Variants in ROBO2 observed in about 807,000 individuals in gnomAD.
ROBO2 encodes roundabout guidance receptor 2, also known as roundabout homolog 2.
Under a neutral mutation model 160.8 loss-of-function variants are expected in ROBO2, and 53 were observed. The observed-to-expected ratio is 0.33, with a 90% CI of 0.26 to 0.41. The LOEUF (loss-of-function observed/expected upper bound fraction) is 0.41, where lower values mean the gene tolerates loss of function less well. Ranked by LOEUF, ROBO2 falls within the 10% of genes least tolerant of loss-of-function variation. The pLI, the probability that ROBO2 is intolerant of heterozygous loss-of-function variation, is 1.00. For missense variants in ROBO2, 1,577 were observed against 1,722.4 expected (o/e 0.92, Z 1.49); for synonymous variants, 664 against 611.7 (o/e 1.09, Z -1.26).
chr3:77,544,469 G>T (rs984392492), intron 6 of ROBO2, among the ~76,000 whole-genome samples: 1 of 152,022 alleles, frequency 6.6e-6, no homozygotes, highest in Non-Finnish European at 1.5e-5. Context: ...TCTGTCCCTG[G>T]GTTATGCGTT....
At chr3:77,511,158 AAAC>A (rs1292617840) in intron 5 of ROBO2, among the ~76,000 whole-genome samples, 3 of 152,008 alleles carry the variant, frequency 2.0e-5, no homozygotes, top group Non-Finnish European at 4.4e-5. Flanking sequence ...CGATGAACAA[AAAC>A]AACGAGCTGG....
chr3:76,575,264 G>A (rs2085216382), intron 2 of ROBO2, among the ~76,000 whole-genome samples: 1 of 151,882 alleles, frequency 6.6e-6, no homozygotes, highest in African/African-American at 2.4e-5. Context: ...CAACATGGAA[G>A]ATGATTTAAA....
chr3:76,930,741 A>T (rs1483705164), intron 2 of ROBO2, among the ~76,000 whole-genome samples: 1 of 152,224 alleles, frequency 6.6e-6, no homozygotes, highest in Non-Finnish European at 1.5e-5. Flanking sequence ...TGGCAAGAGA[A>T]AATGGCTAGC....
intron 1 of ROBO2, among the ~76,000 whole-genome samples, chr3:77,063,256 G>A (rs568102850): frequency 6.6e-6 from 1 of 152,294 alleles, no homozygotes; most frequent in Middle Eastern, 3.4e-3. Context: ...ACATGAAATG[G>A]CTGGGAGAGG....
intron 2 of ROBO2, among the ~76,000 whole-genome samples, chr3:76,543,474 A>G (rs1359280798): frequency 1.3e-5 from 2 of 152,220 alleles, no homozygotes; most frequent in East Asian, 1.9e-4. Context: ...CCTTAGAATC[A>G]TCTCTTTTCC....
chr3:77,526,805 T>A (rs1165742870), intron 6 of ROBO2, among the ~76,000 whole-genome samples: 1 of 151,468 alleles, frequency 6.6e-6, no homozygotes, highest in African/African-American at 2.4e-5. Context: ...AGAAAAAAGC[T>A]TAACAGTAGT....
At chr3:76,961,259 A>C (rs1326035186) in intron 2 of ROBO2, among the ~76,000 whole-genome samples, 1 of 151,782 alleles carries the variant, frequency 6.6e-6, no homozygotes, top group Non-Finnish European at 1.5e-5. Flanking sequence ...AAAAAAAAAA[A>C]AAAAAAAAAC....
At chr3:76,655,327 T>A (rs568886450) in intron 2 of ROBO2, among the ~76,000 whole-genome samples, 3 of 149,434 alleles carry the variant, frequency 2.0e-5, no homozygotes, top group South Asian at 4.2e-4. Flanking sequence ...ATACAAAGTT[T>A]AATGAAAAAT....
In ROBO2 at chr3:77,562,631, C is replaced by G. The variant is rs920486555; in HGVS notation, c.1438-20C>G. ...AAATTGACTGAAACAATTTAATTCTCTCCCTTCTGTGCACACTAGATTTCT... is the reference window on the plus strand; with the variant it reads ...AAATTGACTGAAACAATTTAATTCTGTCCCTTCTGTGCACACTAGATTTCT... On this transcript the variant is annotated intron_variant, in intron 9 of 25. Transcript: ENST00000461745. The G allele has an allele frequency of 2.5e-6, 4 of 1,570,946 alleles. No individual in the cohort carries two copies. The East Asian group carries it at 9.0e-5, about 35-fold the overall frequency.
At chr3:76,468,439 A>G (rs1423330441) in intron 2 of ROBO2, among the ~76,000 whole-genome samples, 1 of 152,082 alleles carries the variant, frequency 6.6e-6, no homozygotes, top group African/African-American at 2.4e-5. Context: ...AAAAGCAATG[A>G]AAGGATACAA....
chr3:77,551,502 C>T (rs2092920419), intron 8 of ROBO2, among the ~76,000 whole-genome samples: 1 of 151,940 alleles, frequency 6.6e-6, no homozygotes, highest in Non-Finnish European at 1.5e-5. Context: ...TTTTTATTGG[C>T]ACATATGCAC....
chr3:77,120,740 A>G (rs913974871), intron 2 of ROBO2, among the ~76,000 whole-genome samples: 2 of 152,140 alleles, frequency 1.3e-5, no homozygotes, highest in Admixed American at 6.5e-5. Context: ...GACTTAAATA[A>G]AAACCAAAAC....
At chr3:77,068,089 A>T (rs1348384294) in intron 1 of ROBO2, among the ~76,000 whole-genome samples, 1 of 152,116 alleles carries the variant, frequency 6.6e-6, no homozygotes, top group Admixed American at 6.6e-5. Context: ...ATATTTGTAA[A>T]ATTTTCCAAA....
chr3:76,446,700 C>T (rs915066239), intron 2 of ROBO2, among the ~76,000 whole-genome samples: 3 of 152,222 alleles, frequency 2.0e-5, no homozygotes, highest in South Asian at 2.1e-4. Context: ...GAGATATAGA[C>T]CAATGGAACA....
intron 2 of ROBO2, among the ~76,000 whole-genome samples, chr3:76,012,798 G>T (rs970401582): frequency 6.6e-6 from 1 of 151,986 alleles, no homozygotes; most frequent in African/African-American, 2.4e-5. Context: ...TGGTGACTGG[G>T]CACGGTGGTG....
chr3:76,746,626 G>A (rs1037555489), intron 2 of ROBO2, among the ~76,000 whole-genome samples: 3 of 152,202 alleles, frequency 2.0e-5, no homozygotes, highest in Admixed American at 6.6e-5. Flanking sequence ...CTGGCAAACC[G>A]AATCCAGCAG....
chr3:76,495,592 G>GTT (rs71101891), intron 2 of ROBO2, among the ~76,000 whole-genome samples: 51 of 149,424 alleles, frequency 3.4e-4, no homozygotes, highest in Admixed American at 8.0e-4. Flanking sequence ...CCATTTTCTA[G>GTT]TTTTTTTTTT....
intron 2 of ROBO2, among the ~76,000 whole-genome samples, chr3:76,504,235 A>T (rs1369679660): frequency 6.6e-6 from 1 of 152,240 alleles, no homozygotes; most frequent in African/African-American, 2.4e-5. Flanking sequence ...GACGTTGGTC[A>T]TGTTCACTAT....
At chr3:76,181,687 A>G (rs548459262) in intron 2 of ROBO2, among the ~76,000 whole-genome samples, 1 of 152,234 alleles carries the variant, frequency 6.6e-6, no homozygotes, top group South Asian at 2.1e-4. Flanking sequence ...TTCTCTTTTT[A>G]ATAGTCATTT....
Sources: allele counts gnomAD v4.1 joint callset (sites outside exome capture counted in the v4.1 genomes callset), GRCh38; gene constraint gnomAD v4.1.1; transcripts MANE v1.5; gene names NCBI Gene and HGNC (gene_info 2026-07-23, HGNC 2026-07-21).